Variants in NDUFV3 observed in about 807,000 individuals in gnomAD.
NDUFV3 encodes NADH dehydrogenase [ubiquinone] flavoprotein 3, mitochondrial.
In NDUFV3, 44 loss-of-function variants were observed where a neutral mutation model predicts 37.5. The ratio of observed to expected loss-of-function variants is 1.17; its 90% confidence interval spans 0.92 to 1.51. The LOEUF is 1.51. Ranked by LOEUF, NDUFV3 falls within the 40% of genes most tolerant of loss-of-function variation. The pLI is 0.00. For synonymous variants in NDUFV3, 235 were observed against 239.3 expected (o/e 0.98, Z 0.17); for missense variants, 580 against 580.4 (o/e 1.00, Z 0.01).
At chr21:42,902,132 T>A (rs2058720130) in intron 2 of NDUFV3, among the ~76,000 whole-genome samples, 1 of 152,008 alleles carries the variant, frequency 6.6e-6, no homozygotes. Context: ...TGCTTGAACC[T>A]GGGAGGCAGA....
chr21:42,902,229 A>T (rs1389182419), intron 2 of NDUFV3, among the ~76,000 whole-genome samples: 1 of 152,094 alleles, frequency 6.6e-6, no homozygotes, highest in East Asian at 1.9e-4. Flanking sequence ...TTAGATAAAT[A>T]AATAAATAAA....
At chr21:42,904,846 A>G (rs2058734711) in intron 3 of NDUFV3, among the ~76,000 whole-genome samples, 1 of 149,734 alleles carries the variant, frequency 6.7e-6, no homozygotes, top group East Asian at 2.0e-4. Flanking sequence ...GCTGGAGTGT[A>G]ATGGTGCAAT....
chr21:42,899,528 T>C (rs1446937686), intron 2 of NDUFV3, among the ~76,000 whole-genome samples: 1 of 152,168 alleles, frequency 6.6e-6, no homozygotes, highest in Non-Finnish European at 1.5e-5. Context: ...CACTGCAACC[T>C]CCGCCTCCTG....
intron 3 of NDUFV3, among the ~76,000 whole-genome samples, chr21:42,905,141 C>G (rs919232449): frequency 1.3e-5 from 2 of 152,122 alleles, no homozygotes; most frequent in Non-Finnish European, 2.9e-5. Context: ...TATTTCTTAA[C>G]CGGTATAATT....
At position 42,897,726 on chromosome 21, in the gene NDUFV3, G is replaced by C. The variant is rs561446711; in HGVS notation, c.169+679G>C. Among the ~76,000 whole-genome samples the C allele has an allele frequency of 7.3e-5, 11 of 151,048 alleles. No individual in the cohort carries two copies. The South Asian group carries it at 2.3e-3, about 32-fold the overall frequency. On this transcript the variant is annotated intron_variant, in intron 2 of 3. Transcript: ENST00000354250. ...GAGTCCTGCTCTGTTGCCCCTGCTG[G>C]AGTGCAGTGGCGCAATCTCGGCTCA...
chr21:42,901,680 C>G (rs1259091141), intron 2 of NDUFV3, among the ~76,000 whole-genome samples: 1 of 152,082 alleles, frequency 6.6e-6, no homozygotes, highest in Non-Finnish European at 1.5e-5. Context: ...AGCACTCTTC[C>G]CATATCTCAT....
At chr21:42,897,199 T>C (rs2839600) in intron 2 of NDUFV3, 152 bp downstream of exon 2, 132,062 of 887,262 alleles carry the variant, frequency 0.15, 11,208 homozygotes, top group East Asian at 0.31. Flanking sequence ...ACAAGATCTA[T>C]AACAGATTTT....
chr21:42,912,377 A>T lies in NDUFV3; in HGVS notation c.*3356A>T, dbSNP rs969470927. The T allele has an allele frequency of 2.6e-5, 4 of 152,256 alleles. No homozygotes were observed. The highest frequency in any genetic ancestry group is 9.6e-5 in the African/African-American group (4 of 41,456). 9.4% of individuals were successfully genotyped at this position (152,256 alleles called of 1,614,324 possible). On this transcript the variant is annotated 3_prime_UTR_variant, in exon 4 of 4. Coordinates refer to ENST00000354250, the MANE Select transcript of NDUFV3 (RefSeq NM_021075.4). ...AAGCACAGCTCTGCATTTTGTAGCTATCACTGCAGATGATTTCTTGATAGT... is the reference window on the plus strand; with the variant it reads ...AAGCACAGCTCTGCATTTTGTAGCTTTCACTGCAGATGATTTCTTGATAGT...
intron 2 of NDUFV3, among the ~76,000 whole-genome samples, chr21:42,902,885 A>G (rs548683430): frequency 9.2e-5 from 14 of 152,314 alleles, no homozygotes; most frequent in African/African-American, 3.1e-4. Flanking sequence ...ACTTTAAATC[A>G]TCTCTAGATT....
intron 1 of NDUFV3, among the ~76,000 whole-genome samples, chr21:42,894,472 ATT>A (rs1555848203): frequency 1.7e-4 from 12 of 69,582 alleles, no homozygotes; most frequent in African/African-American, 7.5e-4. Flanking sequence ...ATAAATATAT[ATT>A]ATATATTTAT....
At chr21:42,899,962 C>A (rs1310092383) in intron 2 of NDUFV3, among the ~76,000 whole-genome samples, 1 of 152,180 alleles carries the variant, frequency 6.6e-6, no homozygotes, top group Non-Finnish European at 1.5e-5. Flanking sequence ...CTTTGGGAAG[C>A]TGAGGCGGGA....
chr21:42,901,694 C>T (rs1190773273), intron 2 of NDUFV3, among the ~76,000 whole-genome samples: 7 of 152,102 alleles, frequency 4.6e-5, no homozygotes, highest in Non-Finnish European at 1.0e-4. Flanking sequence ...ATCTCATCTT[C>T]CCCAGTCCTC....
At chr21:42,902,260 A>C (rs888189871) in intron 2 of NDUFV3, among the ~76,000 whole-genome samples, 5 of 152,126 alleles carry the variant, frequency 3.3e-5, no homozygotes, top group Non-Finnish European at 5.9e-5. Context: ...ATAAAAAAAA[A>C]CTTTTTATAG....
At chr21:42,906,432 C>A (rs772490140) in intron 3 of NDUFV3, among the ~76,000 whole-genome samples, 1 of 152,142 alleles carries the variant, frequency 6.6e-6, no homozygotes. Flanking sequence ...CCCCCCTCTC[C>A]GTCTGCTCTT....
At chr21:42,903,066 G>A in intron 2 of NDUFV3, 116 bp from the exon 3 acceptor site, 1 of 1,383,714 alleles carries the variant, frequency 7.2e-7, no homozygotes, top group Non-Finnish European at 1.0e-6. Flanking sequence ...CCTGTCTTAG[G>A]ATGATTGCAT....
rs955463023 is a variant in NDUFV3, at chr21:42,911,953, T to TTTCCTGGC, written c.*2934_*2941dup. ...AAAGCATGAGACTTGTATAAAGTTC[T>TTTCCTGGC]TTCCTGGCTGGGCGCGGTGGCTCAT... is the stretch of plus-strand genomic sequence containing the variant. On this transcript the variant is annotated 3_prime_UTR_variant, in exon 4 of 4. Coordinates refer to ENST00000354250, the MANE Select transcript of NDUFV3 (RefSeq NM_021075.4). 1.3e-5 allele frequency: 2 copies of TTTCCTGGC among 152,206 alleles called. No individual in the cohort carries two copies. Among genetic ancestry groups the TTTCCTGGC allele is most frequent in the African/African-American group, 4.8e-5 (2 of 41,446 alleles). The allele number at this position is 152,206 out of a possible 1,614,324, so 9.4% of individuals were successfully genotyped here.
rs374398267 is a variant in NDUFV3, at chr21:42,908,848, C to T, written c.1265-16C>T. ...GTCCTTGTGTTGGTCTCATGGGCAT[C>T]GTGTTTCCTCCGCAGAGCCAGCCCC... On this transcript the variant is annotated splice_polypyrimidine_tract_variant and intron_variant, in intron 3 of 3. Transcript: ENST00000354250. 233 of 1,614,138 alleles carry T rather than the reference C, an allele frequency of 1.4e-4. 2 individuals carry two copies. In the South Asian group the frequency reaches 1.9e-3, roughly 13 times the overall value.
At chr21:42,895,434 G>C (rs1218599197) in intron 1 of NDUFV3, among the ~76,000 whole-genome samples, 2 of 151,982 alleles carry the variant, frequency 1.3e-5, no homozygotes, top group African/African-American at 2.4e-5. Flanking sequence ...GTGAGCCGAG[G>C]TTGCGCCACT....
At position 42,903,932 on chromosome 21, in the gene NDUFV3, C is replaced by T; in HGVS notation, c.920C>T (p.Pro307Leu). The T allele has an allele frequency of 2.5e-6, 4 of 1,613,068 alleles. No individual in the cohort carries two copies. The highest frequency in any genetic ancestry group is 1.3e-5 in the African/African-American group (1 of 75,036). The change falls in exon 3 of 4, where the codon CCA becomes CTA. Residue 307 changes from proline (P) to leucine (L), a missense_variant. Coordinates refer to ENST00000354250, the MANE Select transcript of NDUFV3 (RefSeq NM_021075.4). ...SGLSAPPKGS[P>L]APAVLAEEAR... ...TTGTCTGCGCCACCGAAGGGCAGCC[C>T]AGCGCCTGCTGTGTTGGCAGAAGAG...
Sources: allele counts gnomAD v4.1 joint callset (sites outside exome capture counted in the v4.1 genomes callset), GRCh38; gene constraint gnomAD v4.1.1; transcripts MANE v1.5; gene names NCBI Gene and HGNC (gene_info 2026-07-23, HGNC 2026-07-21).